The following SPAG9 variants were observed in gnomAD, a reference collection of about 807,000 sequenced individuals.
SPAG9 encodes C-Jun-amino-terminal kinase-interacting protein 4.
In SPAG9, 35 loss-of-function variants were observed where a neutral mutation model predicts 166.5. The observed-to-expected ratio is 0.21, with a 90% CI of 0.16 to 0.28. The LOEUF (loss-of-function observed/expected upper bound fraction) is 0.28. Among genes scored for constraint, SPAG9 ranks in the 10% least tolerant of loss-of-function variants. The pLI, the probability that SPAG9 is intolerant of heterozygous loss-of-function variation, is 1.00. For missense variants in SPAG9, 1,235 were observed against 1,603.3 expected (o/e 0.77, Z 3.92); for synonymous variants, 534 against 565.5 (o/e 0.94, Z 0.79).
Position 50,996,631 on chromosome 17 carries a change from T to A in SPAG9, c.1902A>T (p.Ala634=). The A allele has an allele frequency of 6.2e-7, 1 of 1,614,178 alleles. No individual in the cohort carries two copies. Among genetic ancestry groups the A allele is most frequent in the Non-Finnish European group, 8.5e-7 (1 of 1,180,014 alleles). The change falls in exon 16 of 30, where the codon GCA becomes GCT. Residue 634 remains alanine (A), a synonymous_variant. Transcript: ENST00000262013. The part of the protein sequence containing the change: ...QKREQYRQVK[A]HVQKEDGRVQ... The stretch of plus-strand genomic sequence containing the variant: ...CTCTACCGTCTTCCTTCTGAACATG[T>A]GCTTTTACCTGACGATACTGCTCTC...
intron 1 of SPAG9, among the ~76,000 whole-genome samples, chr17:51,106,112 C>CACACACACACAG (rs2048942728): frequency 1.5e-5 from 2 of 136,202 alleles, no homozygotes; most frequent in African/African-American, 2.9e-5. Context: ...TACACACACA[C>CACACACACACAG]ACACACACAC....
At chr17:51,060,943 T>A (rs1172379102) in intron 2 of SPAG9, among the ~76,000 whole-genome samples, 4 of 151,410 alleles carry the variant, frequency 2.6e-5, no homozygotes, top group Admixed American at 6.6e-5. Context: ...ACCTCCCTGG[T>A]TGAAGCGATT....
intron 2 of SPAG9, among the ~76,000 whole-genome samples, chr17:51,071,921 C>CTG (rs1379280862): frequency 6.6e-6 from 1 of 152,126 alleles, no homozygotes; most frequent in African/African-American, 2.4e-5. Flanking sequence ...CTAGAAAAGG[C>CTG]ATCCAGCACT....
At chr17:51,089,638 A>G (rs1178886423) in intron 1 of SPAG9, among the ~76,000 whole-genome samples, 1 of 80,540 alleles carries the variant, frequency 1.2e-5, no homozygotes, top group South Asian at 3.6e-4. Context: ...ATATATATAT[A>G]TATATATATA....
intron 1 of SPAG9, among the ~76,000 whole-genome samples, chr17:51,106,102 TACACACACACACAC>T (rs71149344): frequency 7.1e-4 from 79 of 110,652 alleles, no homozygotes; most frequent in African/African-American, 1.6e-3. Flanking sequence ...CCCCCATCTC[TACACACACACACAC>T]ACACACACAC....
chr17:50,994,691 GTGAGCCATGATCATGCCACTGC>G (rs1187196268), intron 18 of SPAG9, among the ~76,000 whole-genome samples: 4 of 152,186 alleles, frequency 2.6e-5, no homozygotes. Context: ...TAACACTGCA[GTGAGCCATGATCATGCCACTGC>G]ACTCCAGCCT....
At chr17:51,066,687 A>C (rs2047681051) in intron 2 of SPAG9, among the ~76,000 whole-genome samples, 1 of 151,596 alleles carries the variant, frequency 6.6e-6, no homozygotes, top group East Asian at 1.9e-4. Flanking sequence ...AAACCCCGAG[A>C]TCAAGACCAT....
chr17:51,106,986 C>T (rs1218150633), intron 1 of SPAG9, among the ~76,000 whole-genome samples: 1 of 151,118 alleles, frequency 6.6e-6, no homozygotes, highest in Admixed American at 6.6e-5. Context: ...CCTGTAGTCC[C>T]AGCTACTTGG....
chr17:50,968,955 T>TG lies in SPAG9; in HGVS notation c.3850+1751dup, dbSNP rs1228061645. Among the ~76,000 whole-genome samples, 3 of 151,580 alleles carry TG rather than the reference T, an allele frequency of 2.0e-5. No individual in the cohort carries two copies. The East Asian group carries it at 5.9e-4, about 30-fold the overall frequency. On this transcript the variant is annotated intron_variant, in intron 29 of 29. Transcript: ENST00000262013. ...TTTTCTTTCTTTTCTTTTTTTGAGA[T>TG]GGAGTCTCACTCTGTCACCCAGGCT... is the stretch of plus-strand genomic sequence containing the variant.
At chr17:51,022,498 A>G (rs749090527) in intron 6 of SPAG9, among the ~76,000 whole-genome samples, 1 of 152,280 alleles carries the variant, frequency 6.6e-6, no homozygotes, top group Admixed American at 6.5e-5. Context: ...CTTTTATCAG[A>G]TATTCAAAGG....
intron 2 of SPAG9, among the ~76,000 whole-genome samples, chr17:51,063,166 T>C (rs939227134): frequency 6.6e-6 from 1 of 152,104 alleles, no homozygotes; most frequent in African/African-American, 2.4e-5. Context: ...CCCAGTACTT[T>C]GGGAAGCCGA....
At chr17:51,029,012 C>G (rs2046292931) in intron 6 of SPAG9, among the ~76,000 whole-genome samples, 1 of 152,150 alleles carries the variant, frequency 6.6e-6, no homozygotes, top group Non-Finnish European at 1.5e-5. Context: ...GTCATCAAGT[C>G]TCTTTCTAAC....
intron 1 of SPAG9, among the ~76,000 whole-genome samples, chr17:51,112,671 CAAAAAAAAAAAAA>C (rs1206604151): frequency 7.2e-5 from 3 of 41,398 alleles, no homozygotes; most frequent in East Asian, 1.0e-3. Flanking sequence ...TCTGTCTCAA[CAAAAAAAAAAAAA>C]AAAAAAAAAA....
At chr17:51,099,160 G>A (rs1163178009) in intron 1 of SPAG9, among the ~76,000 whole-genome samples, 4 of 150,482 alleles carry the variant, frequency 2.7e-5, no homozygotes, top group East Asian at 2.0e-4. Flanking sequence ...TTGGCCAGGC[G>A]TGGTGGCTCA....
At chr17:51,040,368 C>T (rs1054672035) in intron 5 of SPAG9, 1 of 152,106 alleles carries the variant, frequency 6.6e-6, no homozygotes, top group African/African-American at 2.4e-5. Flanking sequence ...AAGGTAACCC[C>T]TATTGTTAAA....
chr17:51,056,899 TCTC>T (rs2047375871), intron 2 of SPAG9, among the ~76,000 whole-genome samples: 1 of 152,142 alleles, frequency 6.6e-6, no homozygotes. Context: ...CTGCTTCAGG[TCTC>T]CTCAATTTCA....
chr17:51,073,396 G>A (rs2047879712), intron 2 of SPAG9, among the ~76,000 whole-genome samples: 1 of 152,022 alleles, frequency 6.6e-6, no homozygotes, highest in African/African-American at 2.4e-5. Context: ...GCAGAGGTGA[G>A]AGTACTGCTT....
intron 8 of SPAG9, chr17:51,016,242 G>T (rs1252411298): frequency 6.6e-6 from 1 of 151,990 alleles, no homozygotes; most frequent in Non-Finnish European, 1.5e-5. Flanking sequence ...TGCACCCTTT[G>T]CCAGGAAACC....
rs527574058 is a variant in SPAG9 at position 51,071,028 on chromosome 17, T to C, written c.424+8556A>G. Reference sequence around the variant, plus strand: ...CAATGATATAAAAATATAATATATATGGGAAAAAGACTAGTAGGCCATACG... The same window carrying C: ...CAATGATATAAAAATATAATATATACGGGAAAAAGACTAGTAGGCCATACG... On this transcript the variant is annotated intron_variant, in intron 2 of 29. Coordinates refer to ENST00000262013, the MANE Select transcript of SPAG9 (RefSeq NM_001130528.3). 1.2e-4 allele frequency among the ~76,000 whole-genome samples: 18 copies of C among 152,080 alleles called. No homozygotes were observed. The South Asian group carries it at 3.7e-3, about 32-fold the overall frequency.
Sources: gnomAD v4.1 joint callset for allele counts (sites outside exome capture counted in the v4.1 genomes callset) on GRCh38, gnomAD v4.1.1 for gene constraint, MANE v1.5 for transcripts, NCBI Gene and HGNC (gene_info 2026-07-23, HGNC 2026-07-21) for gene names.